The following KIAA0825 variants were observed in gnomAD, a reference collection of about 807,000 sequenced individuals.
The protein encoded by KIAA0825 is KIAA0825, also known as uncharacterized protein KIAA0825.
In KIAA0825, 119 loss-of-function variants were observed where a neutral mutation model predicts 147.6. The ratio of observed to expected loss-of-function variants is 0.81; its 90% CI spans 0.69 to 0.94. The LOEUF (loss-of-function observed/expected upper bound fraction) is 0.94. Ranked by LOEUF, KIAA0825 falls within the 40% of genes least tolerant of loss-of-function variation. The pLI is 0.00. For synonymous variants in KIAA0825, 470 were observed against 518.1 expected (o/e 0.91, Z 1.26); for missense variants, 1,381 against 1,472.7 (o/e 0.94, Z 1.02).
intron 20 of KIAA0825, among the ~76,000 whole-genome samples, chr5:94,349,091 G>C (rs1347541880): frequency 6.6e-6 from 1 of 151,912 alleles, no homozygotes; most frequent in East Asian, 1.9e-4. Flanking sequence ...AACTTAAATG[G>C]GTGGAAAAAG....
rs749294346 is a variant in KIAA0825 at position 94,174,372 on chromosome 5, A to AAT, written c.3711-20250_3711-20249dup. On this transcript the variant is annotated intron_variant, in intron 20 of 20. Transcript: ENST00000682413. The stretch of plus-strand genomic sequence containing the variant: ...AGAACGGAGTTTGCAAATCCAAGTA[A>AAT]ATATATATATATATTTAAAATGCTT... Among the ~76,000 whole-genome samples the AAT allele has an allele frequency of 8.6e-4, 130 of 151,608 alleles. 1 individual carries two copies. Among genetic ancestry groups the AAT allele is most frequent in the Admixed American group, 3.9e-3 (59 of 15,206 alleles).
At chr5:94,237,398 G>T (rs1189659553) in intron 20 of KIAA0825, among the ~76,000 whole-genome samples, 1 of 152,100 alleles carries the variant, frequency 6.6e-6, no homozygotes, top group African/African-American at 2.4e-5. Context: ...TGCAAAGCAG[G>T]CAAAGGGGGA....
chr5:94,609,246 T>C (rs967847226), intron 1 of KIAA0825, among the ~76,000 whole-genome samples: 1 of 152,204 alleles, frequency 6.6e-6, no homozygotes, highest in Non-Finnish European at 1.5e-5. Context: ...AAAGACTGAA[T>C]GCAGGAGCAG....
intron 20 of KIAA0825, among the ~76,000 whole-genome samples, chr5:94,299,620 T>C (rs951021426): frequency 6.6e-6 from 1 of 152,214 alleles, no homozygotes; most frequent in Non-Finnish European, 1.5e-5. Context: ...TGAATTCTAC[T>C]GTCCCTCATA....
At chr5:94,531,553 T>G (rs976346937) in intron 3 of KIAA0825, among the ~76,000 whole-genome samples, 1 of 152,214 alleles carries the variant, frequency 6.6e-6, no homozygotes, top group African/African-American at 2.4e-5. Flanking sequence ...CTGCCCAGGA[T>G]GCATTCTTAA....
intron 12 of KIAA0825, among the ~76,000 whole-genome samples, chr5:94,455,227 C>T (rs542124307): frequency 4.0e-5 from 6 of 151,896 alleles, no homozygotes; most frequent in Admixed American, 6.6e-5. Context: ...ATGTAAAGAT[C>T]GTCAAAGATA....
intron 2 of KIAA0825, among the ~76,000 whole-genome samples, chr5:94,558,932 A>G (rs1235823474): frequency 6.6e-6 from 1 of 152,220 alleles, no homozygotes; most frequent in East Asian, 1.9e-4. Flanking sequence ...CCAATTTATT[A>G]TTAGATCATA....
intron 2 of KIAA0825, among the ~76,000 whole-genome samples, chr5:94,565,781 T>C (rs1409261427): frequency 6.6e-6 from 1 of 152,220 alleles, no homozygotes; most frequent in Non-Finnish European, 1.5e-5. Context: ...TAATTGAATA[T>C]ATTTATGGGC....
Position 94,346,780 on chromosome 5 carries a change from C to T in KIAA0825, c.3710+37588G>A, listed in dbSNP as rs544028529. ...GAGAAGCAAATCTCTAGCTGAACTT[C>T]GTAACAGTTTGAACAGGGCAAGAAG... On this transcript the variant is annotated intron_variant, in intron 20 of 20. Coordinates refer to ENST00000682413, the MANE Select transcript of KIAA0825 (RefSeq NM_001145678.3). Among the ~76,000 whole-genome samples, 7 of 152,244 alleles carry T rather than the reference C, an allele frequency of 4.6e-5. 1 individual carries two copies. In the South Asian group the frequency reaches 6.2e-4, roughly 14 times the overall value.
At chr5:94,554,783 TAAAC>T (rs975520219) in intron 2 of KIAA0825, among the ~76,000 whole-genome samples, 8 of 138,134 alleles carry the variant, frequency 5.8e-5, no homozygotes, top group East Asian at 4.3e-4. Context: ...ATTCTTAACA[TAAAC>T]AGATAGATAA....
intron 20 of KIAA0825, among the ~76,000 whole-genome samples, chr5:94,156,163 A>G (rs1269943734): frequency 6.6e-6 from 1 of 152,244 alleles, no homozygotes; most frequent in African/African-American, 2.4e-5. Context: ...AAACTGAGGT[A>G]CAGAATGTTA....
chr5:94,505,894 G>T (rs1263358764), intron 5 of KIAA0825, among the ~76,000 whole-genome samples: 2 of 152,188 alleles, frequency 1.3e-5, no homozygotes, highest in African/African-American at 4.8e-5. Context: ...TCTTAGCACA[G>T]CTGGCAGCAT....
At chr5:94,168,549 G>A (rs946529002) in intron 20 of KIAA0825, among the ~76,000 whole-genome samples, 10 of 152,152 alleles carry the variant, frequency 6.6e-5, no homozygotes, top group African/African-American at 2.4e-4. Context: ...ATAAACGGAA[G>A]CACAGCCATC....
chr5:94,383,772 T>C (rs943198673), intron 20 of KIAA0825, among the ~76,000 whole-genome samples: 3 of 150,318 alleles, frequency 2.0e-5, no homozygotes, highest in African/African-American at 7.4e-5. Context: ...TATCATTTCA[T>C]TGGATTATAC....
intron 3 of KIAA0825, among the ~76,000 whole-genome samples, chr5:94,531,402 A>T (rs1335890905): frequency 1.3e-5 from 2 of 152,184 alleles, no homozygotes; most frequent in Non-Finnish European, 2.9e-5. Context: ...TTTCCCACTT[A>T]CCACCACCTC....
chr5:94,498,484 C>G (rs1370721084), intron 5 of KIAA0825, among the ~76,000 whole-genome samples: 1 of 152,202 alleles, frequency 6.6e-6, no homozygotes, highest in African/African-American at 2.4e-5. Context: ...AGGCTAAGAT[C>G]CTGTTGCTCA....
intron 20 of KIAA0825, among the ~76,000 whole-genome samples, chr5:94,360,294 T>A (rs969814181): frequency 2.6e-4 from 40 of 152,002 alleles, no homozygotes; most frequent in Non-Finnish European, 1.5e-4. Context: ...TCCTGTAAAT[T>A]AGTAAAACAG....
At chr5:94,237,651 A>G (rs1478191673) in intron 20 of KIAA0825, among the ~76,000 whole-genome samples, 2 of 152,146 alleles carry the variant, frequency 1.3e-5, no homozygotes, top group African/African-American at 4.8e-5. Context: ...AGGCTCTTTG[A>G]TGGACTCCAT....
chr5:94,228,662 G>A (rs772545246), intron 20 of KIAA0825, among the ~76,000 whole-genome samples: 11 of 152,076 alleles, frequency 7.2e-5, no homozygotes, highest in African/African-American at 2.2e-4. Context: ...CAGTCCCTAC[G>A]CCAAAGAACT....
Sources: gnomAD v4.1 joint callset for allele counts (sites outside exome capture counted in the v4.1 genomes callset) on GRCh38, gnomAD v4.1.1 for gene constraint, MANE v1.5 for transcripts, NCBI Gene and HGNC (gene_info 2026-07-23, HGNC 2026-07-21) for gene names.